The following SKAP2 variants were observed in gnomAD, a reference collection of about 807,000 sequenced individuals.
The protein encoded by SKAP2 is src kinase associated phosphoprotein 2.
In SKAP2, 28 loss-of-function variants were observed where a neutral mutation model predicts 54.9. That is an observed-to-expected ratio of 0.51 (90% confidence interval 0.38 to 0.70). The LOEUF is 0.70. Ranked by LOEUF, SKAP2 falls within the 30% of genes least tolerant of loss-of-function variation. The pLI, the probability that SKAP2 is intolerant of heterozygous loss-of-function variation, is 0.00. For synonymous variants in SKAP2, 137 were observed against 134.3 expected, an observed-to-expected ratio of 1.02 and a Z score of -0.14; for missense variants, 356 against 424.1, an observed-to-expected ratio of 0.84 and a Z score of 1.41.
chr7:26,731,411 C>G (rs1407057623), intron 6 of SKAP2, among the ~76,000 whole-genome samples: 1 of 152,124 alleles, frequency 6.6e-6, no homozygotes, highest in Non-Finnish European at 1.5e-5. Context: ...TTATGGGTTC[C>G]TCTACCTCTG....
intron 4 of SKAP2, among the ~76,000 whole-genome samples, chr7:26,764,576 TTTTTC>T (rs1384226733): frequency 1.3e-5 from 2 of 152,064 alleles, no homozygotes; most frequent in Admixed American, 6.5e-5. Flanking sequence ...ATCTCTTCTT[TTTTTC>T]TTTTATCTTT....
rs2127961537 is a variant in SKAP2, at chr7:26,739,960, G to T, written c.312C>A (p.Ala104=). Residue 104 remains alanine, a synonymous_variant, in exon 5 of 13, where the codon GCC becomes GCA. Coordinates refer to ENST00000345317, the MANE Select transcript of SKAP2 (RefSeq NM_003930.5). ...CTTGTGCTGCAATTGGAGGAAACTG[G>T]GCTCCTATGAGAAGTTGGGGAGAGA... is the stretch of plus-strand genomic sequence containing the variant. ...DKDDEAPSDG[A]QFPPIAAQDL... 6.2e-7 allele frequency: 1 copy of T among 1,607,666 alleles called. No individual in the cohort carries two copies. The highest frequency in any genetic ancestry group is 1.1e-5 in the South Asian group (1 of 90,234).
At chr7:26,787,198 T>C (rs1028761180) in intron 4 of SKAP2, among the ~76,000 whole-genome samples, 1 of 152,190 alleles carries the variant, frequency 6.6e-6, no homozygotes, top group South Asian at 2.1e-4. Context: ...GTTTTTGCAC[T>C]GCTATAAAAA....
chr7:26,837,794 C>A (rs185616269), intron 4 of SKAP2, among the ~76,000 whole-genome samples: 5 of 139,410 alleles, frequency 3.6e-5, no homozygotes, highest in Non-Finnish European at 8.0e-5. Context: ...AAATCACTTC[C>A]TTTTCAGTAC....
At position 26,682,007 on chromosome 7, in the gene SKAP2, T is replaced by TA. The variant is rs112513923; in HGVS notation, c.987+2728dup. Among the ~76,000 whole-genome samples the TA allele has an allele frequency of 3.4e-3, 516 of 151,008 alleles. 5 individuals are homozygous for TA. The highest frequency in any genetic ancestry group is 8.6e-3 in the African/African-American group (354 of 41,144). On this transcript the variant is annotated intron_variant, in intron 11 of 12. Coordinates refer to ENST00000345317, the MANE Select transcript of SKAP2 (RefSeq NM_003930.5). The stretch of plus-strand genomic sequence containing the variant: ...ACTCATTCTGAGCCACTAGATGGCG[T>TA]AAAAAAAAACAGAAAGGTAAAATTT...
intron 4 of SKAP2, among the ~76,000 whole-genome samples, chr7:26,741,758 T>A (rs1001002061): frequency 2.0e-5 from 3 of 151,208 alleles, no homozygotes; most frequent in Admixed American, 6.6e-5. Context: ...AAATTAAAAA[T>A]TAAAAAAAAG....
intron 9 of SKAP2, among the ~76,000 whole-genome samples, chr7:26,721,970 T>C (rs1001893471): frequency 2.0e-5 from 3 of 152,212 alleles, no homozygotes; most frequent in African/African-American, 7.2e-5. Flanking sequence ...AATGAACTCA[T>C]TACCATGTTA....
chr7:26,825,411 AT>A (rs1784469061), intron 4 of SKAP2, among the ~76,000 whole-genome samples: 1 of 152,176 alleles, frequency 6.6e-6, no homozygotes, highest in South Asian at 2.1e-4. Context: ...GACAAATTAA[AT>A]TCAAACAATC....
chr7:26,692,293 A>C (rs1786802786), intron 9 of SKAP2, among the ~76,000 whole-genome samples: 1 of 152,146 alleles, frequency 6.6e-6, no homozygotes, highest in African/African-American at 2.4e-5. Flanking sequence ...AAAATAATCT[A>C]TCTTACTGGG....
chr7:26,741,944 T>C (rs1050949260), intron 4 of SKAP2, among the ~76,000 whole-genome samples: 4 of 152,102 alleles, frequency 2.6e-5, no homozygotes, highest in Admixed American at 6.6e-5. Context: ...CTTCACCCAG[T>C]AAACACCACA....
rs532557110 is a variant in SKAP2, at chr7:26,689,467, T to C, written c.874+818A>G. 2.0e-5 allele frequency among the ~76,000 whole-genome samples: 3 copies of C among 152,312 alleles called. No individual in the cohort carries two copies. The East Asian group carries it at 5.8e-4, about 29-fold the overall frequency. ...CAAGCAAGAAAAGTTGTCCGTATCATGTGATTTTGTACAGAGTGTGTGCAA... is the reference window on the plus strand; with the variant it reads ...CAAGCAAGAAAAGTTGTCCGTATCACGTGATTTTGTACAGAGTGTGTGCAA... On this transcript the variant is annotated intron_variant, in intron 10 of 12. Transcript: ENST00000345317.
chr7:26,726,498 C>T (rs1787712636), intron 7 of SKAP2, among the ~76,000 whole-genome samples: 1 of 152,080 alleles, frequency 6.6e-6, no homozygotes, highest in South Asian at 2.1e-4. Flanking sequence ...TTCTCCCACA[C>T]TCCTAAGCAA....
At chr7:26,800,866 G>A (rs1783897543) in intron 4 of SKAP2, among the ~76,000 whole-genome samples, 1 of 152,058 alleles carries the variant, frequency 6.6e-6, no homozygotes, top group South Asian at 2.1e-4. Flanking sequence ...ACATCTCCCA[G>A]TAAAGAAAAG....
intron 4 of SKAP2, among the ~76,000 whole-genome samples, chr7:26,758,892 T>C (rs535424752): frequency 6.6e-6 from 1 of 152,336 alleles, no homozygotes; most frequent in African/African-American, 2.4e-5. Context: ...AAACAATTCC[T>C]GATCTGGGAA....
chr7:26,855,033 C>A, intron 1 of SKAP2, 143 bp from the exon 2 acceptor site: 1 of 560,660 alleles, frequency 1.8e-6, no homozygotes, highest in Non-Finnish European at 3.0e-6. Flanking sequence ...CAAAGCATAA[C>A]AGTTGAAGTG....
intron 9 of SKAP2, among the ~76,000 whole-genome samples, chr7:26,702,260 T>A (rs9648329): frequency 0.081 from 12,383 of 152,098 alleles, 591 homozygotes; most frequent in Middle Eastern, 0.17. Flanking sequence ...GCTCATGTGA[T>A]CCTCCCAAGT....
chr7:26,849,989 CTG>C (rs1161179668), intron 3 of SKAP2, among the ~76,000 whole-genome samples: 1 of 152,126 alleles, frequency 6.6e-6, no homozygotes, highest in East Asian at 1.9e-4. Flanking sequence ...CTGGAGAAAA[CTG>C]AGACTAATAC....
intron 4 of SKAP2, among the ~76,000 whole-genome samples, chr7:26,799,551 G>A (rs192300080): frequency 4.6e-5 from 7 of 152,172 alleles, no homozygotes; most frequent in Admixed American, 3.3e-4. Flanking sequence ...AGAACACCCA[G>A]ATATATAAGG....
chr7:26,664,842 T>C (rs1171424522), downstream of SKAP2, among the ~76,000 whole-genome samples: 1 of 152,048 alleles, frequency 6.6e-6, no homozygotes, highest in African/African-American at 2.4e-5. Context: ...ATTCACGCCT[T>C]TGCACATAGT....
Sources: gnomAD v4.1 joint callset for allele counts (sites outside exome capture counted in the v4.1 genomes callset) on GRCh38, gnomAD v4.1.1 for gene constraint, MANE v1.5 for transcripts, NCBI Gene and HGNC (gene_info 2026-07-23, HGNC 2026-07-21) for gene names.